Variants in WDR7 observed in about 807,000 individuals in gnomAD.
WDR7 encodes the protein WD repeat-containing protein 7.
Under a neutral mutation model 169.4 loss-of-function variants are expected in WDR7, and 46 were observed. That is an observed-to-expected ratio of 0.27 (90% confidence interval 0.21 to 0.35). WDR7 has a LOEUF of 0.35. Among genes scored for constraint, WDR7 ranks in the 10% least tolerant of loss-of-function variants. The probability of loss-of-function intolerance (pLI) is 1.00; values close to 1 mark genes in which losing one functional copy is unlikely to be tolerated. For missense variants in WDR7, 1,534 were observed against 1,859.3 expected (o/e 0.83, Z 3.22); for synonymous variants, 612 against 666.8 (o/e 0.92, Z 1.27).
chr18:56,694,934 A>G lies in WDR7; in HGVS notation c.1109-16A>G. 6.3e-7 allele frequency: 1 copy of G among 1,599,016 alleles called. No homozygotes were observed. On this transcript the variant is annotated splice_polypyrimidine_tract_variant and intron_variant, in intron 10 of 27. Transcript: ENST00000254442. Reference sequence around the variant, plus strand: ...GCACAAATGTTTTTCTTTTATACAAAACCAAACCTCTACAGGGCTGGCAAT... The same window carrying G: ...GCACAAATGTTTTTCTTTTATACAAGACCAAACCTCTACAGGGCTGGCAAT...
chr18:56,662,596 C>A (rs529662876), intron 1 of WDR7, among the ~76,000 whole-genome samples: 2 of 152,290 alleles, frequency 1.3e-5, no homozygotes, highest in African/African-American at 4.8e-5. Flanking sequence ...AAGTGTACAT[C>A]AACATCTATC....
At chr18:57,000,475 T>A (rs944375783) in intron 26 of WDR7, among the ~76,000 whole-genome samples, 1 of 152,224 alleles carries the variant, frequency 6.6e-6, no homozygotes, top group Admixed American at 6.5e-5. Flanking sequence ...ATATGTACCA[T>A]ATTCTGTAAA....
At chr18:56,822,269 C>T (rs1040774232) in intron 20 of WDR7, among the ~76,000 whole-genome samples, 2 of 152,098 alleles carry the variant, frequency 1.3e-5, no homozygotes, top group African/African-American at 2.4e-5. Flanking sequence ...TTATTACATA[C>T]GTGTAAATGT....
intron 20 of WDR7, among the ~76,000 whole-genome samples, chr18:56,836,863 A>G (rs1045608591): frequency 6.6e-6 from 1 of 152,204 alleles, no homozygotes; most frequent in African/African-American, 2.4e-5. Flanking sequence ...CCTTTTTGTC[A>G]TTTTAATAGG....
rs1257964211 is a variant in WDR7, at chr18:56,693,561, G to GTTTTTTTT, written c.967-1054_967-1047dup. ...CAAGCTTGATAGTTCAATTTTGTTG[G>GTTTTTTTT]TTTTTTTTTTTGTTTTTTTTTTTTT... On this transcript the variant is annotated intron_variant, in intron 9 of 27. Coordinates refer to ENST00000254442, the MANE Select transcript of WDR7 (RefSeq NM_015285.3). 2.2e-4 allele frequency among the ~76,000 whole-genome samples: 22 copies of GTTTTTTTT among 98,826 alleles called. 4 individuals are homozygous for GTTTTTTTT. Among genetic ancestry groups the GTTTTTTTT allele is most frequent in the Non-Finnish European group, 2.9e-4 (15 of 51,238 alleles). 64.8% of individuals were successfully genotyped at this position (98,826 alleles called of 152,430 possible).
intron 20 of WDR7, among the ~76,000 whole-genome samples, chr18:56,827,819 T>A (rs2045235020): frequency 6.6e-6 from 1 of 151,982 alleles, no homozygotes; most frequent in Admixed American, 6.6e-5. Flanking sequence ...ATGTACCCCA[T>A]AAATATATGC....
rs567285545 is a variant in WDR7 at position 56,826,631 on chromosome 18, G to C, written c.3304+10487G>C. ...CTCCTCACGTGACATACTAGAAAGA[G>C]GAGTCCTCACTCATAGGTAGGATAA... On this transcript the variant is annotated intron_variant, in intron 20 of 27. Transcript: ENST00000254442. Among the ~76,000 whole-genome samples, 3 of 152,192 alleles carry C rather than the reference G, an allele frequency of 2.0e-5. No homozygotes were observed. The South Asian group carries it at 6.2e-4, about 32-fold the overall frequency.
At chr18:56,883,171 C>T (rs2046135514) in intron 21 of WDR7, among the ~76,000 whole-genome samples, 1 of 147,968 alleles carries the variant, frequency 6.8e-6, no homozygotes, top group Non-Finnish European at 1.5e-5. Context: ...GGTGGCGCCA[C>T]TGCCCTCCAG....
rs1457323031 is a variant in WDR7 at position 57,027,809 on chromosome 18, A to G, written c.*602A>G. On this transcript the variant is annotated 3_prime_UTR_variant, in exon 28 of 28. Coordinates refer to ENST00000254442, the MANE Select transcript of WDR7 (RefSeq NM_015285.3). Reference sequence around the variant, plus strand: ...CACCTTCTTTATCAACAGCTAACCAATTTGAGATTCATGATTAATTATGTA... The same window carrying G: ...CACCTTCTTTATCAACAGCTAACCAGTTTGAGATTCATGATTAATTATGTA... 1.3e-5 allele frequency: 2 copies of G among 152,848 alleles called. No individual in the cohort carries two copies. Among genetic ancestry groups the G allele is most frequent in the African/African-American group, 4.8e-5 (2 of 41,446 alleles). 9.5% of individuals were successfully genotyped at this position (152,848 alleles called of 1,614,324 possible).
At chr18:56,719,235 C>T (rs1225893282) in intron 13 of WDR7, among the ~76,000 whole-genome samples, 1 of 152,166 alleles carries the variant, frequency 6.6e-6, no homozygotes, top group Non-Finnish European at 1.5e-5. Context: ...ATTTTTGGCA[C>T]ATGTCTTTCT....
chr18:56,966,034 C>A (rs980837629), intron 26 of WDR7, among the ~76,000 whole-genome samples: 1 of 152,124 alleles, frequency 6.6e-6, no homozygotes, highest in African/African-American at 2.4e-5. Context: ...AATCTGTCTA[C>A]TTACTTGTTA....
At chr18:56,897,844 C>T (rs976183224) in intron 21 of WDR7, among the ~76,000 whole-genome samples, 4 of 151,818 alleles carry the variant, frequency 2.6e-5, no homozygotes, top group Admixed American at 2.6e-4. Context: ...ATTATGACCT[C>T]ATAGTTTAGT....
chr18:56,822,673 T>G (rs1381886499), intron 20 of WDR7, among the ~76,000 whole-genome samples: 1 of 152,210 alleles, frequency 6.6e-6, no homozygotes, highest in African/African-American at 2.4e-5. Flanking sequence ...GTAGTTTAGA[T>G]GTATGTGAAT....
chr18:56,902,105 T>A (rs926833646), intron 21 of WDR7, among the ~76,000 whole-genome samples: 1 of 152,128 alleles, frequency 6.6e-6, no homozygotes, highest in African/African-American at 2.4e-5. Context: ...GTCACCAGTG[T>A]CAGTTCTGTG....
chr18:56,883,435 TTTTA>T (rs1300192310), intron 21 of WDR7, among the ~76,000 whole-genome samples: 2 of 152,076 alleles, frequency 1.3e-5, no homozygotes, highest in African/African-American at 4.8e-5. Context: ...ACTGTAATAA[TTTTA>T]TTTTTTAAAT....
At chr18:56,919,474 T>C (rs1377333640) in intron 21 of WDR7, among the ~76,000 whole-genome samples, 2 of 149,756 alleles carry the variant, frequency 1.3e-5, no homozygotes, top group Non-Finnish European at 3.0e-5. Flanking sequence ...TGAGAAAAGA[T>C]AAAACATTAC....
chr18:56,846,750 C>A (rs1233686016), intron 20 of WDR7, among the ~76,000 whole-genome samples: 1 of 152,142 alleles, frequency 6.6e-6, no homozygotes, highest in Non-Finnish European at 1.5e-5. Context: ...AAGTGATGCA[C>A]CTGCTCCTCC....
intron 20 of WDR7, among the ~76,000 whole-genome samples, chr18:56,862,683 G>A (rs1336490128): frequency 6.6e-6 from 1 of 151,734 alleles, no homozygotes; most frequent in African/African-American, 2.4e-5. Flanking sequence ...ATATATAATG[G>A]CATTGAAAAT....
At chr18:56,654,982 C>G (rs1302625842) in intron 1 of WDR7, among the ~76,000 whole-genome samples, 4 of 152,138 alleles carry the variant, frequency 2.6e-5, no homozygotes, top group Non-Finnish European at 4.4e-5. Flanking sequence ...TGAGTCCTTT[C>G]CTTTGGTTTG....
Sources: gnomAD v4.1 joint callset for allele counts (sites outside exome capture counted in the v4.1 genomes callset) on GRCh38, gnomAD v4.1.1 for gene constraint, MANE v1.5 for transcripts, NCBI Gene and HGNC (gene_info 2026-07-23, HGNC 2026-07-21) for gene names.